The following SRSF11 variants were observed in gnomAD, a reference collection of about 807,000 sequenced individuals.
SRSF11 encodes serine/arginine-rich splicing factor 11.
A neutral mutation model predicts 56.0 loss-of-function variants in SRSF11; 9 were observed. That is an observed-to-expected ratio of 0.16 (90% confidence interval 0.10 to 0.28). The LOEUF (loss-of-function observed/expected upper bound fraction) is 0.28. Ranked by LOEUF, SRSF11 falls within the 10% of genes least tolerant of loss-of-function variation. The pLI is 1.00. For missense variants in SRSF11, 421 were observed against 600.7 expected, an observed-to-expected ratio of 0.70 and a Z score of 3.13; for synonymous variants, 222 against 215.3, an observed-to-expected ratio of 1.03 and a Z score of -0.27.
upstream of SRSF11, among the ~76,000 whole-genome samples, chr1:70,216,672 A>G (rs1319970441): frequency 1.3e-5 from 2 of 152,088 alleles, no homozygotes; most frequent in East Asian, 1.9e-4. Context: ...GGCTCAAGCA[A>G]TCCACCCACC....
At chr1:70,241,195 C>T (rs1052719315) in intron 7 of SRSF11, among the ~76,000 whole-genome samples, 5 of 152,126 alleles carry the variant, frequency 3.3e-5, no homozygotes, top group African/African-American at 1.2e-4. Flanking sequence ...TTAGATAAAA[C>T]CATTTCTCCT....
intron 1 of SRSF11, among the ~76,000 whole-genome samples, chr1:70,208,318 A>C (rs1310220794): frequency 6.7e-6 from 1 of 149,088 alleles, no homozygotes; most frequent in East Asian, 2.1e-4. Flanking sequence ...ACTGTAATAC[A>C]GTGTATGGTG....
intron 1 of SRSF11, among the ~76,000 whole-genome samples, chr1:70,210,062 A>G: frequency 6.6e-6 from 1 of 151,998 alleles, no homozygotes; most frequent in South Asian, 2.1e-4. Context: ...GCATTTGTAT[A>G]TTCTTTGTTT....
At chr1:70,218,668 T>C (rs1670238094), upstream of SRSF11, 1 of 152,236 alleles carries the variant, frequency 6.6e-6, no homozygotes, top group African/African-American at 2.4e-5. Flanking sequence ...TGTCCTTTTA[T>C]CATCAAATAT....
In SRSF11 at chr1:70,250,586, TTTA is replaced by T. The variant is rs756677367; in HGVS notation, c.1258-16_1258-14del. On this transcript the variant is annotated intron_variant, in intron 11 of 11. Coordinates refer to ENST00000370949, the MANE Select transcript of SRSF11 (RefSeq NM_001350605.2). ...TTATTTTTCTTTGGAGAAGTTTACT[TTTA>T]TTATTCTCCTTGGCAAAGCAGGTTA... The T allele has an allele frequency of 9.3e-6, 15 of 1,610,568 alleles. No homozygotes were observed. The East Asian group carries it at 2.2e-4, about 24-fold the overall frequency.
chr1:70,223,353 G>T (rs1033400999), intron 1 of SRSF11, among the ~76,000 whole-genome samples: 1 of 152,178 alleles, frequency 6.6e-6, no homozygotes, highest in African/African-American at 2.4e-5. Context: ...TAGAAAAAAG[G>T]TAAGAGAGAT....
chr1:70,237,268 A>G (rs1009015650), intron 5 of SRSF11, among the ~76,000 whole-genome samples, 157 bp from the exon 6 acceptor site: 5 of 152,210 alleles, frequency 3.3e-5, no homozygotes, highest in Non-Finnish European at 5.9e-5. Flanking sequence ...AAACAGTGCT[A>G]TGCTATATGT....
At chr1:70,213,329 T>A (rs1485419676) in intron 1 of SRSF11, among the ~76,000 whole-genome samples, 1 of 152,224 alleles carries the variant, frequency 6.6e-6, no homozygotes, top group Non-Finnish European at 1.5e-5. Flanking sequence ...AGAAGCCACT[T>A]ATGTTTTTTA....
chr1:70,245,180 A>G (rs1177298386), intron 8 of SRSF11, among the ~76,000 whole-genome samples: 1 of 152,200 alleles, frequency 6.6e-6, no homozygotes, highest in Admixed American at 6.5e-5. Context: ...CCAGTCATTT[A>G]TAGTTGTGAG....
intron 2 of SRSF11, chr1:70,231,603 TTC>T: frequency 8.8e-7 from 1 of 1,133,424 alleles, no homozygotes; most frequent in Non-Finnish European, 1.1e-6. Flanking sequence ...CTATCTCTCT[TTC>T]TCTCTCACTC....
intron 1 of SRSF11, among the ~76,000 whole-genome samples, chr1:70,223,199 G>A (rs1434068883): frequency 6.6e-6 from 1 of 152,096 alleles, no homozygotes. Flanking sequence ...GTGATACATT[G>A]GATGATTTTA....
At chr1:70,242,266 A>G (rs1290643016) in intron 7 of SRSF11, among the ~76,000 whole-genome samples, 2 of 152,084 alleles carry the variant, frequency 1.3e-5, no homozygotes, top group Non-Finnish European at 2.9e-5. Flanking sequence ...TGACCAGTGA[A>G]AAGTAGAAGT....
intron 1 of SRSF11, among the ~76,000 whole-genome samples, chr1:70,225,824 C>T (rs140273091): frequency 1.8e-3 from 277 of 152,142 alleles, no homozygotes; most frequent in African/African-American, 6.4e-3. Context: ...TAAAGAGATA[C>T]GGAGTAAAAT....
rs1670649571 is a variant in SRSF11, at chr1:70,221,664, A to G, written c.28A>G (p.Thr10Ala). The G allele has an allele frequency of 6.2e-7, 1 of 1,612,376 alleles. No homozygotes were observed. Reference sequence around the variant, plus strand: ...GAGCAACACTACCGTCGTCCCCAGCACTGCAGGTCCGGGCCCCAGCGGCGG... The same window carrying G: ...GAGCAACACTACCGTCGTCCCCAGCGCTGCAGGTCCGGGCCCCAGCGGCGG... Reference protein sequence around the residue: MSNTTVVPSTAGPGPSGGPG... With the variant: MSNTTVVPSAAGPGPSGGPG... The change falls in exon 1 of 12, where the codon ACT becomes GCT. Residue 10 changes from threonine to alanine, a missense_variant. Physicochemically the swap from Thr to Ala is moderately conservative, Grantham distance 58. Around this residue, in one of 2 missense-constraint regions of SRSF11, gnomAD observed 168 missense variants for 294.9 expected, o/e 0.57. Transcript: ENST00000370949.
intron 1 of SRSF11, among the ~76,000 whole-genome samples, chr1:70,214,527 A>G (rs1558143728): frequency 1.3e-5 from 2 of 152,228 alleles, no homozygotes; most frequent in Non-Finnish European, 2.9e-5. Context: ...ATTTTTGCCT[A>G]TAATTTTAGG....
chr1:70,236,332 CTTTT>C (rs554617176), intron 5 of SRSF11, among the ~76,000 whole-genome samples: 4 of 133,852 alleles, frequency 3.0e-5, no homozygotes, highest in Non-Finnish European at 4.8e-5. Flanking sequence ...CTTTCTTTTT[CTTTT>C]TTTTTTTTTT....
At chr1:70,211,964 C>T (rs866856822) in intron 1 of SRSF11, among the ~76,000 whole-genome samples, 5 of 152,158 alleles carry the variant, frequency 3.3e-5, no homozygotes, top group African/African-American at 1.2e-4. Context: ...TCTCATCCCT[C>T]CCCTAAAATA....
upstream of SRSF11, among the ~76,000 whole-genome samples, chr1:70,217,125 G>A (rs925964020): frequency 6.6e-6 from 1 of 151,924 alleles, no homozygotes; most frequent in Admixed American, 6.6e-5. Flanking sequence ...TTTCATCTTT[G>A]TGGGGTTTTT....
intron 1 of SRSF11, among the ~76,000 whole-genome samples, chr1:70,214,846 ATAT>A (rs781017059): frequency 9.2e-5 from 14 of 151,826 alleles, no homozygotes; most frequent in Non-Finnish European, 1.9e-4. Flanking sequence ...TACAGTAGAA[ATAT>A]TATCTAATTT....
Sources: gnomAD v4.1 joint callset for allele counts (sites outside exome capture counted in the v4.1 genomes callset) on GRCh38, gnomAD v4.1.1 for gene constraint, gnomAD v4.1.1 regional missense constraint, MANE v1.5 for transcripts, NCBI Gene and HGNC (gene_info 2026-07-23, HGNC 2026-07-21) for gene names.